The following MMEL1 variants were observed in gnomAD, a reference collection of about 807,000 sequenced individuals.
The protein encoded by MMEL1 is membrane metalloendopeptidase like 1.
MMEL1 carries 98 observed loss-of-function variants against 117.1 expected under a neutral mutation model. The observed-to-expected ratio is 0.84, with a 90% CI of 0.71 to 0.99. The LOEUF is 0.99. Ranked by LOEUF, MMEL1 falls within the 50% of genes least tolerant of loss-of-function variation. The pLI is 0.00. For synonymous variants in MMEL1, 390 were observed against 415.1 expected, an observed-to-expected ratio of 0.94 and a Z score of 0.74; for missense variants, 1,014 against 1,049.1, an observed-to-expected ratio of 0.97 and a Z score of 0.46.
intron 18 of MMEL1, 177 bp from the exon 19 acceptor site, chr1:2,594,110 G>A (rs994053585): frequency 2.2e-6 from 2 of 904,056 alleles, no homozygotes; most frequent in Non-Finnish European, 1.6e-6. Flanking sequence ...GGGCGGGCTC[G>A]TGCCTGGCAG....
chr1:2,598,268 A>G lies in MMEL1; in HGVS notation c.1211T>C (p.Val404Ala). 6.2e-7 allele frequency: 1 copy of G among 1,614,106 alleles called. No homozygotes were observed. The highest frequency in any genetic ancestry group is 1.1e-5 in the South Asian group (1 of 91,090). ...TIQNYLVWRL[V>A]LDRIGSLSQR... ...GCTTAGGCTACCAATGCGGTCCAGC[A>G]CCAGGCGCCAGACCAGGTAGTTCTG... The change falls in exon 13 of 24, where the codon GTG (valine) becomes GCG (alanine). Residue 404 changes from valine (V) to alanine (A), a missense_variant. Val to Ala is a moderately conservative substitution (Grantham distance 64). Transcript: ENST00000378412.
At chr1:2,616,257 G>A (rs538901726) in intron 2 of MMEL1, among the ~76,000 whole-genome samples, 8 of 149,854 alleles carry the variant, frequency 5.3e-5, no homozygotes, top group South Asian at 2.1e-4. Flanking sequence ...TGGGAAGATC[G>A]CTTGAGTCTG....
In MMEL1 at chr1:2,604,135, C is replaced by CCCCCCCCCAAAAAAT; in HGVS notation, c.951+11_951+12insATTTTTTGGGGGGGG. 3.3e-6 allele frequency: 5 copies of CCCCCCCCCAAAAAAT among 1,520,142 alleles called. No homozygotes were observed. The highest frequency in any genetic ancestry group is 4.5e-6 in the Non-Finnish European group (5 of 1,100,334). The allele number at this position is 1,520,142 out of a possible 1,614,324, so 94.2% of individuals were successfully genotyped here. On this transcript the variant is annotated intron_variant, in intron 10 of 23. Transcript: ENST00000378412. ...CTCGCTGCCCGCTCCCCACCCGCCCCGGCCCCCTTACCTTGGCCAGCTGTG... is the reference window on the plus strand; with the variant it reads ...CTCGCTGCCCGCTCCCCACCCGCCCCCCCCCCCCAAAAAATGGCCCCCTTACCTTGGCCAGCTGTG...
Position 2,612,319 on chromosome 1 carries a change from A to T in MMEL1, c.155-115T>A. On this transcript the variant is annotated intron_variant, in intron 2 of 23. Coordinates refer to ENST00000378412, the MANE Select transcript of MMEL1 (RefSeq NM_033467.4). The surrounding 1 kb of genome is among the most constrained non-coding windows in gnomAD (Gnocchi z 5.4). Reference sequence around the variant, plus strand: ...CCACAGTGCTGGGTGCTGCAGCCCTACCCCTGTAGTGAGGGCTGGTCCCCA... The same window carrying T: ...CCACAGTGCTGGGTGCTGCAGCCCTTCCCCTGTAGTGAGGGCTGGTCCCCA... 1.2e-6 allele frequency: 1 copy of T among 818,444 alleles called. No individual in the cohort carries two copies. Among genetic ancestry groups the T allele is most frequent in the African/African-American group, 1.7e-5 (1 of 58,508 alleles). 50.7% of individuals were successfully genotyped at this position (818,444 alleles called of 1,614,324 possible). A position where few individuals can be genotyped will look rare whatever the true frequency, so the allele number is the denominator to read the frequency against.
At chr1:2,594,560 T>C in intron 17 of MMEL1, 117 bp from the exon 18 acceptor site, 1 of 1,276,636 alleles carries the variant, frequency 7.8e-7, no homozygotes, top group Non-Finnish European at 1.1e-6. Context: ...GGCCCAGGCC[T>C]ATCCCAAGAT....
intron 6 of MMEL1, among the ~76,000 whole-genome samples, 199 bp from the exon 7 acceptor site, chr1:2,607,268 G>A (rs1378488302): frequency 2.0e-5 from 3 of 152,248 alleles, no homozygotes; most frequent in South Asian, 2.1e-4. Context: ...GCTCTGCAGC[G>A]CAGGAGGCGG....
rs928222293 is a variant in MMEL1 at position 2,593,922 on chromosome 1, C to T, written c.1759G>A (p.Gly587Arg). The change falls in exon 19 of 24, where the codon GGG (glycine) becomes AGG (arginine). Residue 587 changes from glycine (G) to arginine (R), a missense_variant. Physicochemically the swap from Gly to Arg is moderately radical, Grantham distance 125 (BLOSUM62 -2). Transcript: ENST00000378412. ...CTGAAGAAGGGGGGCTGGAGGATCCCGGCAGGGAATACTGTCCCCAAGGGC... is the reference window on the plus strand; with the variant it reads ...CTGAAGAAGGGGGGCTGGAGGATCCTGGCAGGGAATACTGTCCCCAAGGGC... ...PNRNQIVFPAGILQPPFFSKE... is the reference protein window; with the variant it reads ...PNRNQIVFPARILQPPFFSKE... 24 of 1,607,234 alleles carry T rather than the reference C, an allele frequency of 1.5e-5. No individual in the cohort carries two copies. The highest frequency in any genetic ancestry group is 3.3e-4 in the Middle Eastern group (2 of 6,046).
chr1:2,591,586 C>T lies in MMEL1; in HGVS notation c.2211G>A (p.Lys737=). 1.2e-6 allele frequency: 2 copies of T among 1,609,172 alleles called. No homozygotes were observed. Among genetic ancestry groups the T allele is most frequent in the African/African-American group, 1.4e-5 (1 of 74,012 alleles). ...ACTTCAGGGGACTGTGGACGTCTGT[C>T]TTGATGGATTGGATGGCGAACTCGG... ...YRPEFAIQSI[K]TDVHSPLKYR... Residue 737 remains lysine, a synonymous_variant, in exon 23 of 24, where the codon AAG becomes AAA. Transcript: ENST00000378412.
intron 17 of MMEL1, 96 bp downstream of exon 17, chr1:2,594,694 C>A: frequency 9.0e-7 from 1 of 1,111,764 alleles, no homozygotes; most frequent in Admixed American, 1.9e-5. Flanking sequence ...GGACCCCAGC[C>A]ACGCATCCAG....
chr1:2,597,662 C>A (rs1442705173), intron 13 of MMEL1, among the ~76,000 whole-genome samples: 1 of 152,182 alleles, frequency 6.6e-6, no homozygotes, highest in East Asian at 1.9e-4. Flanking sequence ...CTTGTCTCCA[C>A]CCTCACCCCA....
rs1009895139 is a variant in MMEL1 at position 2,595,454 on chromosome 1, A to T, written c.1501-95T>A. 1 of 1,036,330 alleles carries T rather than the reference A, an allele frequency of 9.6e-7. No homozygotes were observed. Among genetic ancestry groups the T allele is most frequent in the Admixed American group, 1.8e-5 (1 of 54,992 alleles). The allele number at this position is 1,036,330 out of a possible 1,614,324, so 64.2% of individuals were successfully genotyped here. ...TGAGTGCCACACTGTGGGAGGGGTC[A>T]GCCCGGGGCATCCTGGCTGTGCTCT... On this transcript the variant is annotated intron_variant, in intron 15 of 23. Coordinates refer to ENST00000378412, the MANE Select transcript of MMEL1 (RefSeq NM_033467.4). The surrounding 1 kb of genome is among the most constrained non-coding windows in gnomAD (Gnocchi z 4.8).
intron 16 of MMEL1, 57 bp from the exon 17 acceptor site, chr1:2,594,950 G>A: frequency 1.4e-6 from 2 of 1,459,142 alleles, no homozygotes. Context: ...AGAGGAGCAA[G>A]GGGAGAGGTC....
chr1:2,612,176 C>T lies in MMEL1; in HGVS notation c.183G>A (p.Arg61=). Reference sequence around the variant, plus strand: ...TCCTCTCCTCCTGTAAGAAGCACAGCCGGCTAGCAAGGCGTGGCAGCTGCT... The same window carrying T: ...TCCTCTCCTCCTGTAAGAAGCACAGTCGGCTAGCAAGGCGTGGCAGCTGCT... ...RGKQLPRLAS[R]LCFLQEERTF... Residue 61 remains arginine, a synonymous_variant, in exon 3 of 24, where the codon CGG becomes CGA. Coordinates refer to ENST00000378412, the MANE Select transcript of MMEL1 (RefSeq NM_033467.4). This position sits in a 1 kb window ranked among gnomAD's most constrained non-coding sequence, Gnocchi z 5.4. 6.3e-7 allele frequency: 1 copy of T among 1,579,416 alleles called. No individual in the cohort carries two copies. Among genetic ancestry groups the T allele is most frequent in the South Asian group, 1.2e-5 (1 of 86,618 alleles).
At chr1:2,609,256 G>A in intron 6 of MMEL1, 83 bp downstream of exon 6, 1 of 1,375,006 alleles carries the variant, frequency 7.3e-7, no homozygotes, top group Non-Finnish European at 1.0e-6. Flanking sequence ...GCAGCCATGG[G>A]GTCCTGGGGC....
intron 11 of MMEL1, among the ~76,000 whole-genome samples, chr1:2,602,696 G>T (rs557864217): frequency 1.3e-5 from 2 of 152,170 alleles, no homozygotes; most frequent in Non-Finnish European, 2.9e-5. Flanking sequence ...GGTCGGACAC[G>T]GCATCCCCCG....
chr1:2,591,452 CTG>C (rs1644704054), intron 23 of MMEL1, 103 bp downstream of exon 23: 2 of 920,316 alleles, frequency 2.2e-6, no homozygotes, highest in South Asian at 1.3e-5. Context: ...CAAAATAAAC[CTG>C]TCTCTGTTGA....
At chr1:2,613,027 G>C (rs1392034504) in intron 2 of MMEL1, among the ~76,000 whole-genome samples, 1 of 152,200 alleles carries the variant, frequency 6.6e-6, no homozygotes, top group Non-Finnish European at 1.5e-5. Context: ...TGCAGAGAGG[G>C]TGCTAGAAGC....
intron 8 of MMEL1, 105 bp downstream of exon 8, chr1:2,606,143 C>T: frequency 1.1e-6 from 1 of 872,692 alleles, no homozygotes; most frequent in Non-Finnish European, 1.9e-6. Context: ...TCCCAGGAGA[C>T]CCCGGAGCTC....
intron 1 of MMEL1, chr1:2,630,073 A>C (rs1412900557): frequency 6.6e-6 from 1 of 152,522 alleles, no homozygotes; most frequent in Non-Finnish European, 1.5e-5. Flanking sequence ...GCTGGTGTGC[A>C]GCTCTGGTCG....
Sources: gnomAD v4.1 joint callset for allele counts (sites outside exome capture counted in the v4.1 genomes callset) on GRCh38, gnomAD v4.1.1 for gene constraint, Gnocchi (gnomAD v3.1) non-coding constraint, MANE v1.5 for transcripts, NCBI Gene and HGNC (gene_info 2026-07-23, HGNC 2026-07-21) for gene names.